ATP8A2: variants seen among roughly 807,000 people sequenced by gnomAD.
ATP8A2 encodes the protein ATPase phospholipid transporting 8A2, also known as phospholipid-transporting ATPase IB.
In ATP8A2, 100 loss-of-function variants were observed where a neutral mutation model predicts 165.6. That is an observed-to-expected ratio of 0.60 (90% confidence interval 0.51 to 0.71). The LOEUF (loss-of-function observed/expected upper bound fraction) is 0.71. Among genes scored for constraint, ATP8A2 ranks in the 30% least tolerant of loss-of-function variants. The pLI is 0.00. For missense variants in ATP8A2, 1,227 were observed against 1,479.5 expected (o/e 0.83, Z 2.80); for synonymous variants, 543 against 548.8 (o/e 0.99, Z 0.15).
chr13:25,749,982 A>G (rs1166358269), intron 25 of ATP8A2, among the ~76,000 whole-genome samples: 1 of 152,204 alleles, frequency 6.6e-6, no homozygotes, highest in Non-Finnish European at 1.5e-5. Context: ...GCAACATAGC[A>G]AGACCACATC....
Position 26,012,563 on chromosome 13 carries a change from T to G in ATP8A2, c.3410T>G (p.Leu1137Arg), listed in dbSNP as rs1956871659. The change falls in exon 36 of 37, where the codon CTG (leucine) becomes CGG (arginine). Residue 1137 changes from leucine to arginine, a missense_variant. Physicochemically the swap from Leu to Arg is moderately radical, Grantham distance 102 (BLOSUM62 -2). Transcript: ENST00000381655. ...LNERDRLIKR[L>R]GRKTPPTLFR... ...GAGCGCGACCGCCTGATCAAGAGGC[T>G]GGGCCGGAAGACGCCCCCGACGCTG... 1 of 1,535,426 alleles carries G rather than the reference T, an allele frequency of 6.5e-7. No individual in the cohort carries two copies. Among genetic ancestry groups the G allele is most frequent in the African/African-American group, 1.4e-5 (1 of 71,642 alleles).
chr13:25,540,402 T>A lies in ATP8A2; in HGVS notation c.651+14T>A. On this transcript the variant is annotated intron_variant, in intron 8 of 36. Transcript: ENST00000381655. ...AAAATACGTCAGGTAAAGTCACCTCTGATGACTTGTGTTGTTATGGTAGAC... is the reference window on the plus strand; with the variant it reads ...AAAATACGTCAGGTAAAGTCACCTCAGATGACTTGTGTTGTTATGGTAGAC... 6.4e-7 allele frequency: 1 copy of A among 1,574,236 alleles called. No individual in the cohort carries two copies. The highest frequency in any genetic ancestry group is 8.7e-7 in the Non-Finnish European group (1 of 1,143,490).
intron 2 of ATP8A2, among the ~76,000 whole-genome samples, chr13:25,522,956 T>C (rs2037716995): frequency 6.6e-6 from 1 of 151,962 alleles, no homozygotes; most frequent in Admixed American, 6.6e-5. Flanking sequence ...AAACCCCATC[T>C]CTACTAAAAA....
intron 27 of ATP8A2, among the ~76,000 whole-genome samples, chr13:25,786,590 C>A (rs911494413): frequency 6.6e-6 from 1 of 152,290 alleles, no homozygotes; most frequent in Middle Eastern, 3.4e-3. Flanking sequence ...CTTTTCTTAA[C>A]ATGAACTGTT....
chr13:25,592,175 T>C (rs1326268156), intron 24 of ATP8A2, among the ~76,000 whole-genome samples: 1 of 148,048 alleles, frequency 6.8e-6, no homozygotes, highest in Non-Finnish European at 1.5e-5. Flanking sequence ...TGGAGAAATG[T>C]CTATTCAATC....
intron 2 of ATP8A2, among the ~76,000 whole-genome samples, chr13:25,489,813 A>G (rs1331580797): frequency 2.0e-5 from 3 of 152,154 alleles, no homozygotes; most frequent in Non-Finnish European, 2.9e-5. Flanking sequence ...TTGATGTTGT[A>G]CTTTCATATA....
chr13:25,528,014 G>A (rs1440091811), intron 2 of ATP8A2, among the ~76,000 whole-genome samples: 3 of 152,214 alleles, frequency 2.0e-5, no homozygotes, highest in East Asian at 3.8e-4. Flanking sequence ...CAGGATTGCT[G>A]TAGAGGTATG....
At chr13:25,638,765 G>C (rs1027897144) in intron 24 of ATP8A2, among the ~76,000 whole-genome samples, 4 of 152,080 alleles carry the variant, frequency 2.6e-5, no homozygotes, top group Non-Finnish European at 2.9e-5. Context: ...ATGCCACAAA[G>C]ATACTCCTCC....
intron 2 of ATP8A2, among the ~76,000 whole-genome samples, chr13:25,513,987 G>GGAGGGGGAGGGGGAGGGA (rs2037379182): frequency 6.9e-6 from 1 of 145,984 alleles, no homozygotes; most frequent in Non-Finnish European, 1.5e-5. Context: ...TGGGAGAGGG[G>GGAGGGGGAGGGGGAGGGA]GAGGGGGAGG....
intron 2 of ATP8A2, among the ~76,000 whole-genome samples, chr13:25,490,731 T>TG (rs1390352829): frequency 5.0e-5 from 7 of 140,362 alleles, no homozygotes; most frequent in African/African-American, 1.6e-4. Flanking sequence ...TTTTTGTTTT[T>TG]TTTTTGTTTG....
At chr13:25,950,268 A>T (rs974030385) in intron 33 of ATP8A2, among the ~76,000 whole-genome samples, 1 of 152,188 alleles carries the variant, frequency 6.6e-6, no homozygotes, top group Non-Finnish European at 1.5e-5. Context: ...ACATCCAGAT[A>T]ACAGCTTCAG....
chr13:25,669,613 A>G (rs1160938080), intron 24 of ATP8A2, among the ~76,000 whole-genome samples: 1 of 152,018 alleles, frequency 6.6e-6, no homozygotes, highest in Non-Finnish European at 1.5e-5. Context: ...CACAGCGTAT[A>G]CATTTTTTAT....
chr13:25,961,705 C>A, intron 34 of ATP8A2, 42 bp downstream of exon 34: 1 of 1,434,388 alleles, frequency 7.0e-7, no homozygotes, highest in Non-Finnish European at 9.8e-7. Flanking sequence ...TCTGGCTCAT[C>A]TGTCCCTGGA....
chr13:25,997,700 G>A (rs1196860269), intron 35 of ATP8A2, among the ~76,000 whole-genome samples: 1 of 152,032 alleles, frequency 6.6e-6, no homozygotes, highest in South Asian at 2.1e-4. Flanking sequence ...TCTGTCCCCT[G>A]CATTCTGCTG....
At chr13:25,427,198 G>T (rs1186453076) in intron 1 of ATP8A2, among the ~76,000 whole-genome samples, 1 of 152,078 alleles carries the variant, frequency 6.6e-6, no homozygotes, top group Non-Finnish European at 1.5e-5. Flanking sequence ...CCCCATTACT[G>T]CCTGAGCTCC....
intron 20 of ATP8A2, among the ~76,000 whole-genome samples, chr13:25,577,965 C>T (rs1028627849): frequency 1.3e-5 from 2 of 152,148 alleles, no homozygotes; most frequent in Non-Finnish European, 1.5e-5. Context: ...TATTTGGACT[C>T]GCTAAAGAAT....
In ATP8A2 at chr13:25,518,943, C is replaced by T. The variant is rs561712666; in HGVS notation, c.222-11056C>T. Among the ~76,000 whole-genome samples, 12 of 152,274 alleles carry T rather than the reference C, an allele frequency of 7.9e-5. No homozygotes were observed. In the South Asian group the frequency reaches 1.9e-3, roughly 24 times the overall value. ...CAGGTTTTGTCCTCTCCTGGGAAGCCTCCAGATCTTCCCATCTCCCAAAAG... is the reference window on the plus strand; with the variant it reads ...CAGGTTTTGTCCTCTCCTGGGAAGCTTCCAGATCTTCCCATCTCCCAAAAG... On this transcript the variant is annotated intron_variant, in intron 2 of 36. Transcript: ENST00000381655.
intron 33 of ATP8A2, among the ~76,000 whole-genome samples, chr13:25,956,104 A>C (rs1028327078): frequency 2.0e-5 from 3 of 152,170 alleles, no homozygotes; most frequent in Non-Finnish European, 2.9e-5. Flanking sequence ...TCAATAAACT[A>C]GGTATTGATG....
At chr13:25,454,523 G>A (rs1385286115) in intron 1 of ATP8A2, among the ~76,000 whole-genome samples, 5 of 152,146 alleles carry the variant, frequency 3.3e-5, no homozygotes, top group African/African-American at 7.2e-5. Flanking sequence ...AGAAACGAGA[G>A]AAGCAAGCAG....
Sources: allele counts gnomAD v4.1 joint callset (sites outside exome capture counted in the v4.1 genomes callset), GRCh38; gene constraint gnomAD v4.1.1; transcripts MANE v1.5; gene names NCBI Gene and HGNC (gene_info 2026-07-23, HGNC 2026-07-21).